The following PTPN9 variants were observed in gnomAD, a reference collection of about 807,000 sequenced individuals.
PTPN9 encodes tyrosine-protein phosphatase non-receptor type 9.
PTPN9 carries 26 observed loss-of-function variants against 69.8 expected under a neutral mutation model. That is an observed-to-expected ratio of 0.37 (90% CI 0.27 to 0.52). PTPN9 has a LOEUF of 0.52. Ranked by LOEUF, PTPN9 falls within the 20% of genes least tolerant of loss-of-function variation. PTPN9 has a pLI of 0.91. For synonymous variants in PTPN9, 274 were observed against 272.5 expected, an observed-to-expected ratio of 1.01 and a Z score of -0.05; for missense variants, 549 against 740.3, an observed-to-expected ratio of 0.74 and a Z score of 3.00.
intron 7 of PTPN9, 50 bp downstream of exon 7, chr15:75,505,625 A>G: frequency 6.8e-7 from 1 of 1,469,724 alleles, no homozygotes; most frequent in South Asian, 1.2e-5. Flanking sequence ...GCCAGAGCCT[A>G]CCAGAAGCAT....
At chr15:75,563,030 C>T (rs1401129815) in intron 1 of PTPN9, among the ~76,000 whole-genome samples, 1 of 151,938 alleles carries the variant, frequency 6.6e-6, no homozygotes, top group Non-Finnish European at 1.5e-5. Context: ...TATTTTGTTA[C>T]CCAGGTAATA....
At chr15:75,474,852 C>A (rs1228751872) in intron 9 of PTPN9, among the ~76,000 whole-genome samples, 1 of 152,140 alleles carries the variant, frequency 6.6e-6, no homozygotes, top group East Asian at 1.9e-4. Flanking sequence ...CTGGGAAACC[C>A]CACCAGTTTA....
chr15:75,558,980 C>T (rs573511896), intron 1 of PTPN9, among the ~76,000 whole-genome samples: 62 of 152,262 alleles, frequency 4.1e-4, no homozygotes, highest in Admixed American at 1.9e-3. Context: ...GCGTCTCTGC[C>T]TGGCCACCCA....
Position 75,468,954 on chromosome 15 carries a change from C to T in PTPN9, c.1597G>A (p.Ala533Thr), listed in dbSNP as rs755506201. ...AGGGTGCCAAGCTCCTCCAGCTGTG[C>T]CAGGCAGATGTCCAGTGAGCAGAAG... ...GTFCSLDICL[A>T]QLEELGTLNV... The change falls in exon 13 of 13, where the codon GCA becomes ACA. Residue 533 changes from alanine (A) to threonine (T), a missense_variant. Around this residue, in one of 3 missense-constraint regions of PTPN9, gnomAD observed 457 missense variants for 661.9 expected, o/e 0.69. Transcript: ENST00000618819. 1 of 1,613,878 alleles carries T rather than the reference C, an allele frequency of 6.2e-7. No homozygotes were observed. Among genetic ancestry groups the T allele is most frequent in the Non-Finnish European group, 8.5e-7 (1 of 1,179,788 alleles).
At chr15:75,561,232 T>C (rs1221976498) in intron 1 of PTPN9, among the ~76,000 whole-genome samples, 1 of 151,906 alleles carries the variant, frequency 6.6e-6, no homozygotes, top group Non-Finnish European at 1.5e-5. Context: ...GGAGAATCGC[T>C]TAAACCCAGG....
At chr15:75,546,635 T>G (rs2075034424) in intron 1 of PTPN9, among the ~76,000 whole-genome samples, 1 of 151,348 alleles carries the variant, frequency 6.6e-6, no homozygotes, top group Admixed American at 6.6e-5. Context: ...AGAGCAAGAC[T>G]CTGTCTCAAA....
At chr15:75,514,114 A>AG (rs1555455138) in intron 5 of PTPN9, among the ~76,000 whole-genome samples, 29 of 151,520 alleles carry the variant, frequency 1.9e-4, no homozygotes, top group Non-Finnish European at 3.7e-4. Flanking sequence ...AAAAAAAAAA[A>AG]AAAGAAAGAA....
chr15:75,515,426 CA>C (rs34643551), intron 5 of PTPN9, among the ~76,000 whole-genome samples: 694 of 69,386 alleles, frequency 0.01, 8 homozygotes, highest in African/African-American at 0.03. Context: ...GACTCCGTCT[CA>C]AAAAAAAAAA....
intron 1 of PTPN9, among the ~76,000 whole-genome samples, chr15:75,554,200 A>T (rs990931699): frequency 2.8e-5 from 4 of 145,206 alleles, no homozygotes; most frequent in South Asian, 4.4e-4. Context: ...AGAAAAAAAA[A>T]TTTTTTTTTT....
chr15:75,487,024 A>T (rs1294271736), intron 8 of PTPN9, among the ~76,000 whole-genome samples: 5 of 152,138 alleles, frequency 3.3e-5, no homozygotes, highest in Middle Eastern at 3.4e-3. Flanking sequence ...TGACCTTGTG[A>T]TCTGCCCGCC....
At chr15:75,480,554 C>T (rs1246972522) in intron 8 of PTPN9, 27 of 587,406 alleles carry the variant, frequency 4.6e-5, no homozygotes, top group South Asian at 8.1e-5. Flanking sequence ...GGAGCCCGTC[C>T]GGCCATGGTG....
Position 75,479,922 on chromosome 15 carries a change from TA to T in PTPN9, c.1063-9del. The T allele has an allele frequency of 6.3e-7, 1 of 1,589,606 alleles. No homozygotes were observed. The highest frequency in any genetic ancestry group is 8.6e-7 in the Non-Finnish European group (1 of 1,163,016). On this transcript the variant is annotated splice_polypyrimidine_tract_variant and intron_variant, in intron 8 of 12. Transcript: ENST00000618819. ...GGCATTGATGTAATCTGTCTAATGATAAAAAGGAGACATCACTATAGCTACA... is the reference window on the plus strand; with the variant it reads ...GGCATTGATGTAATCTGTCTAATGATAAAAGGAGACATCACTATAGCTACA...
At chr15:75,568,521 A>C (rs1410482627) in intron 1 of PTPN9, among the ~76,000 whole-genome samples, 3 of 144,280 alleles carry the variant, frequency 2.1e-5, no homozygotes, top group East Asian at 2.0e-4. Flanking sequence ...AAAAAAAAAA[A>C]AAACAAAACA....
At chr15:75,541,272 A>C (rs888537704) in intron 1 of PTPN9, among the ~76,000 whole-genome samples, 1 of 150,410 alleles carries the variant, frequency 6.6e-6, no homozygotes, top group East Asian at 2.0e-4. Flanking sequence ...ATTTTTGTAG[A>C]GATAGGGTCT....
chr15:75,502,488 T>C (rs1373562914), intron 7 of PTPN9, among the ~76,000 whole-genome samples: 3 of 151,854 alleles, frequency 2.0e-5, no homozygotes, highest in Non-Finnish European at 4.4e-5. Context: ...AAGGAAGGAA[T>C]TACAGGTGTG....
chr15:75,574,343 T>C (rs2075162121), intron 1 of PTPN9, among the ~76,000 whole-genome samples: 1 of 151,640 alleles, frequency 6.6e-6, no homozygotes, highest in Non-Finnish European at 1.5e-5. Flanking sequence ...GAATGCTTCT[T>C]TGCGGGGCAG....
intron 5 of PTPN9, among the ~76,000 whole-genome samples, chr15:75,514,866 T>TC (rs1262261604): frequency 5.9e-5 from 9 of 152,258 alleles, no homozygotes; most frequent in Non-Finnish European, 1.3e-4. Flanking sequence ...TCATATCCAT[T>TC]TGATTGGGAA....
chr15:75,553,592 G>A (rs2075064577), intron 1 of PTPN9, among the ~76,000 whole-genome samples: 1 of 152,024 alleles, frequency 6.6e-6, no homozygotes, highest in Non-Finnish European at 1.5e-5. Flanking sequence ...ACACATTCAT[G>A]CTCATATATC....
intron 1 of PTPN9, among the ~76,000 whole-genome samples, chr15:75,543,305 G>A (rs909037820): frequency 1.3e-5 from 2 of 152,006 alleles, no homozygotes; most frequent in Non-Finnish European, 2.9e-5. Flanking sequence ...AAGCATTTAA[G>A]ATATACCAGA....
Sources: gnomAD v4.1 joint callset for allele counts (sites outside exome capture counted in the v4.1 genomes callset) on GRCh38, gnomAD v4.1.1 for gene constraint, gnomAD v4.1.1 regional missense constraint, MANE v1.5 for transcripts, NCBI Gene and HGNC (gene_info 2026-07-23, HGNC 2026-07-21) for gene names.